The following CENPI variants were observed in gnomAD, a reference collection of about 807,000 sequenced individuals.
CENPI encodes centromere protein I.
In CENPI, 4 loss-of-function variants were observed where a neutral mutation model predicts 60.4. The ratio of observed to expected loss-of-function variants is 0.07; its 90% confidence interval spans 0.03 to 0.15. The LOEUF is 0.15. Among genes scored for constraint, CENPI ranks in the 10% least tolerant of loss-of-function variants. The probability of loss-of-function intolerance (pLI) is 1.00; values close to 1 mark genes in which losing one functional copy is unlikely to be tolerated. For synonymous variants in CENPI, 157 were observed against 189.4 expected, an observed-to-expected ratio of 0.83 and a Z score of 1.40; for missense variants, 444 against 534.5, an observed-to-expected ratio of 0.83 and a Z score of 1.67.
intron 6 of CENPI, among the ~76,000 whole-genome samples, chrX:101,118,532 G>A (rs772662729): frequency 8.9e-6 from 1 of 112,654 alleles, no homozygotes; most frequent in South Asian, 3.7e-4. Context: ...AGTTCTTCCA[G>A]TCAGGGACTG....
chrX:101,181,706 A>G, the CENPI span, among the ~76,000 whole-genome samples: 4 of 112,163 alleles, frequency 3.6e-5, no homozygotes, highest in African/African-American at 9.7e-5. Context: ...TTATCTGTAT[A>G]CAAGATCATG....
chrX:101,120,263 T>G, intron 6 of CENPI, 139 bp from the exon 7 acceptor site: 2 of 349,476 alleles, frequency 5.7e-6, no homozygotes, highest in Non-Finnish European at 5.1e-6. Context: ...AAAAAGAGAC[T>G]CTTTGTAAAA....
Position 101,163,402 on chromosome X carries a change from A to G in CENPI, c.*435A>G, listed in dbSNP as rs141474794. 6.3e-3 allele frequency: 818 copies of G among 129,078 alleles called. 10 individuals carry two copies. The highest frequency in any genetic ancestry group is 0.025 in the African/African-American group (777 of 30,895). 10.6% of individuals were successfully genotyped at this position (129,078 alleles called of 1,213,427 possible). A position where few individuals can be genotyped will look rare whatever the true frequency, so the allele number is the denominator to read the frequency against. ...TCTTACTGTGAGCAACAGCACCAACACCAAGTTAACAGGATGCAACATGTG... is the reference window on the plus strand; with the variant it reads ...TCTTACTGTGAGCAACAGCACCAACGCCAAGTTAACAGGATGCAACATGTG... On this transcript the variant is annotated 3_prime_UTR_variant, in exon 22 of 22. Coordinates refer to ENST00000682095, the MANE Select transcript of CENPI (RefSeq NM_001386188.2).
intron 4 of CENPI, among the ~76,000 whole-genome samples, chrX:101,104,041 T>C (rs1012935396): frequency 9.0e-6 from 1 of 110,834 alleles, no homozygotes; most frequent in African/African-American, 3.3e-5. Context: ...TGGCATGATC[T>C]CGGCTCACTG....
chrX:101,127,093 G>A (rs1188923061), intron 9 of CENPI, 45 bp from the exon 10 acceptor site: 7 of 1,059,376 alleles, frequency 6.6e-6, no homozygotes, highest in Non-Finnish European at 8.8e-6. Flanking sequence ...TGTTGCTTCA[G>A]TTTATGGGTA....
intron 6 of CENPI, among the ~76,000 whole-genome samples, chrX:101,114,947 T>C (rs1313201562): frequency 6.1e-5 from 5 of 82,570 alleles, no homozygotes; most frequent in African/African-American, 2.6e-4. Flanking sequence ...GGTGTATTAG[T>C]ACATAAAAAA....
chrX:101,127,202 G>A lies in CENPI; in HGVS notation c.842G>A (p.Arg281Gln), dbSNP rs771661291. 9.2e-6 allele frequency: 11 copies of A among 1,194,543 alleles called. No individual in the cohort carries two copies. In the Admixed American group the frequency reaches 1.6e-4, roughly 17 times the overall value. ...TALLAVKQRN[R>Q]GPSPEPLKLM... ...CTGCTTGCCGTGAAGCAAAGAAACC[G>A]GGGACCTTCTCCAGAACCTCTGAAG... The change falls in exon 10 of 22, where the codon CGG becomes CAG. Residue 281 changes from arginine to glutamine, a missense_variant. Coordinates refer to ENST00000682095, the MANE Select transcript of CENPI (RefSeq NM_001386188.2).
chrX:101,147,661 T>C (rs773426780), intron 18 of CENPI, 102 bp from the exon 19 acceptor site: 32 of 636,283 alleles, frequency 5.0e-5, no homozygotes, highest in Non-Finnish European at 6.6e-5. Context: ...CATTTGCATA[T>C]ATTTACATTT....
chrX:101,107,672 A>G (rs1351223742), intron 4 of CENPI, among the ~76,000 whole-genome samples: 1 of 100,747 alleles, frequency 9.9e-6, no homozygotes, highest in Non-Finnish European at 2.0e-5. Context: ...TCATTGTTTT[A>G]TTTTTTTATT....
At chrX:101,129,423 A>G (rs771805958) in intron 12 of CENPI, among the ~76,000 whole-genome samples, 1 of 110,620 alleles carries the variant, frequency 9.0e-6, no homozygotes, top group South Asian at 3.9e-4. Flanking sequence ...ATATTTCTCT[A>G]GAGATAATAT....
At chrX:101,179,726 T>C in the CENPI span, among the ~76,000 whole-genome samples, 1 of 112,011 alleles carries the variant, frequency 8.9e-6, no homozygotes, top group Non-Finnish European at 1.9e-5. Context: ...TTCACTGTGT[T>C]AGCCAGGATG....
rs1044757632 is a variant in CENPI at position 101,144,379 on chromosome X, C to T, written c.1566-685C>T. On this transcript the variant is annotated intron_variant, in intron 16 of 21. Coordinates refer to ENST00000682095, the MANE Select transcript of CENPI (RefSeq NM_001386188.2). ...ATTACAGGTGTGAGCCACTGCACCT[C>T]GCCTGAATTTTTTTTTTTTTTTTTT... 1.3e-4 allele frequency among the ~76,000 whole-genome samples: 13 copies of T among 98,761 alleles called. No individual in the cohort carries two copies. In the Admixed American group the frequency reaches 1.4e-3, roughly 10 times the overall value. 85.8% of individuals were successfully genotyped at this position (98,761 alleles called of 115,157 possible).
At position 101,127,259 on chromosome X, in the gene CENPI, TA is replaced by T; in HGVS notation, c.904del (p.Arg302GlufsTer26). On this transcript the variant is annotated frameshift_variant, in exon 10 of 22. Coordinates refer to ENST00000682095, the MANE Select transcript of CENPI (RefSeq NM_001386188.2). LOFTEE classifies it high-confidence loss of function. ...TTAGGTCCAGCTAATGTTCGTCCTCTAAAAAGAGTAAGTATCTAAAGCTCAA... is the reference window on the plus strand; with the variant it reads ...TTAGGTCCAGCTAATGTTCGTCCTCTAAAAGAGTAAGTATCTAAAGCTCAA... ...LMLGPANVRP[L>X]KRKWNSLSVI... 1 of 1,167,741 alleles carries T rather than the reference TA, an allele frequency of 8.6e-7. No homozygotes were observed. The highest frequency in any genetic ancestry group is 1.1e-6 in the Non-Finnish European group (1 of 877,528).
At chrX:101,113,302 CA>C (rs2089577408) in intron 6 of CENPI, among the ~76,000 whole-genome samples, 1 of 102,303 alleles carries the variant, frequency 9.8e-6, no homozygotes, top group Non-Finnish European at 2.0e-5. Context: ...CACACACACA[CA>C]CACACACACA....
At chrX:101,168,685 A>G (rs960673265), downstream of CENPI, among the ~76,000 whole-genome samples, 2 of 112,398 alleles carry the variant, frequency 1.8e-5, no homozygotes, top group Non-Finnish European at 3.8e-5. Context: ...TTAGGAAGCC[A>G]GATTTAAAGA....
intron 18 of CENPI, 109 bp from the exon 19 acceptor site, chrX:101,147,654 T>G: frequency 1.7e-6 from 1 of 591,921 alleles, no homozygotes; most frequent in Non-Finnish European, 2.7e-6. Flanking sequence ...ATATGCACAT[T>G]TGCATATATT....
intron 4 of CENPI, 30 bp downstream of exon 4, chrX:101,102,441 T>C (rs776899461): frequency 4.7e-5 from 50 of 1,071,342 alleles, no homozygotes; most frequent in Non-Finnish European, 5.4e-5. Flanking sequence ...TTTTTTTCTT[T>C]TAACTCACCT....
At chrX:101,129,343 T>C (rs914592916) in intron 12 of CENPI, among the ~76,000 whole-genome samples, 1 of 111,273 alleles carries the variant, frequency 9.0e-6, no homozygotes, top group African/African-American at 3.3e-5. Context: ...GAGAAGTCTT[T>C]CATCCAAGCC....
At chrX:101,113,755 A>G (rs1337918931) in intron 6 of CENPI, among the ~76,000 whole-genome samples, 2 of 112,202 alleles carry the variant, frequency 1.8e-5, no homozygotes, top group African/African-American at 6.5e-5. Flanking sequence ...TTCATTGAAA[A>G]TCTTTTGATG....
Sources: allele counts gnomAD v4.1 joint callset (sites outside exome capture counted in the v4.1 genomes callset), GRCh38; gene constraint gnomAD v4.1.1; transcripts MANE v1.5; gene names NCBI Gene and HGNC (gene_info 2026-07-23, HGNC 2026-07-21).